The following CNTN4 variants were observed in gnomAD, a reference collection of about 807,000 sequenced individuals.
CNTN4 encodes contactin 4, also known as contactin-4.
A neutral mutation model predicts 122.5 loss-of-function variants in CNTN4; 77 were observed. The ratio of observed to expected loss-of-function variants is 0.63; its 90% CI spans 0.52 to 0.76. The LOEUF (loss-of-function observed/expected upper bound fraction) is 0.76, where lower values mean the gene tolerates loss of function less well. CNTN4 is among the 30% of genes least tolerant of loss of function. The probability of loss-of-function intolerance (pLI) is 0.00; values close to 1 mark genes in which losing one functional copy is unlikely to be tolerated. For synonymous variants in CNTN4, 512 were observed against 447.0 expected (o/e 1.15, Z -1.83); for missense variants, 1,256 against 1,259.1 (o/e 1.00, Z 0.04).
At chr3:2,710,961 C>T (rs916432755) in intron 4 of CNTN4, among the ~76,000 whole-genome samples, 2 of 152,140 alleles carry the variant, frequency 1.3e-5, no homozygotes, top group Admixed American at 6.5e-5. Flanking sequence ...CTTTATCTAG[C>T]AGGGACAATG....
At chr3:2,401,393 C>T (rs533053753) in intron 3 of CNTN4, among the ~76,000 whole-genome samples, 57 of 152,234 alleles carry the variant, frequency 3.7e-4, no homozygotes, top group African/African-American at 1.4e-3. Flanking sequence ...TCCCTGCTGA[C>T]ATTCAGAAAT....
At chr3:2,593,494 G>A (rs969183566) in intron 4 of CNTN4, among the ~76,000 whole-genome samples, 2 of 152,152 alleles carry the variant, frequency 1.3e-5, no homozygotes, top group African/African-American at 4.8e-5. Flanking sequence ...ACTTGGATTT[G>A]TGGCCTCTGA....
rs778606383 is a variant in CNTN4, at chr3:2,352,352, G to A, written c.-89+13119G>A. 4.6e-5 allele frequency among the ~76,000 whole-genome samples: 7 copies of A among 152,192 alleles called. No individual in the cohort carries two copies. The East Asian group carries it at 9.7e-4, about 21-fold the overall frequency. On this transcript the variant is annotated intron_variant, in intron 3 of 24. Transcript: ENST00000418658. Reference sequence around the variant, plus strand: ...GTGGGAGCCCCTCTCTGGGCTGGCCGAGGCCGGAACCGGCTCCCTCTGCTT... The same window carrying A: ...GTGGGAGCCCCTCTCTGGGCTGGCCAAGGCCGGAACCGGCTCCCTCTGCTT...
intron 13 of CNTN4, among the ~76,000 whole-genome samples, chr3:2,977,588 G>A (rs1390373836): frequency 3.9e-5 from 6 of 151,970 alleles, no homozygotes. Flanking sequence ...CTACAGGCTG[G>A]AAGGAGGCTG....
intron 4 of CNTN4, among the ~76,000 whole-genome samples, chr3:2,683,258 A>T (rs548737762): frequency 6.6e-6 from 1 of 152,042 alleles, no homozygotes; most frequent in South Asian, 2.1e-4. Flanking sequence ...AAGGCTGCTG[A>T]CTTGAAAAAA....
intron 7 of CNTN4, among the ~76,000 whole-genome samples, chr3:2,828,996 C>G (rs1227221339): frequency 6.6e-6 from 1 of 152,156 alleles, no homozygotes; most frequent in Non-Finnish European, 1.5e-5. Flanking sequence ...ACCTCAGCCT[C>G]CCAAAGTGCT....
At chr3:2,505,863 A>C (rs1270376644) in intron 3 of CNTN4, among the ~76,000 whole-genome samples, 1 of 152,206 alleles carries the variant, frequency 6.6e-6, no homozygotes. Context: ...TTCTAAAATT[A>C]AGCCTTTCCT....
At chr3:2,678,469 C>T (rs1463158889) in intron 4 of CNTN4, among the ~76,000 whole-genome samples, 2 of 152,110 alleles carry the variant, frequency 1.3e-5, no homozygotes, top group Non-Finnish European at 2.9e-5. Context: ...TTATCTTCCC[C>T]TTTTAGTTAT....
At chr3:2,814,568 A>G (rs1318603804) in intron 6 of CNTN4, among the ~76,000 whole-genome samples, 4 of 152,216 alleles carry the variant, frequency 2.6e-5, no homozygotes, top group African/African-American at 7.2e-5. Context: ...CCATCACACT[A>G]TGTGTTGAAA....
intron 3 of CNTN4, among the ~76,000 whole-genome samples, chr3:2,390,212 A>AAG (rs1332221221): frequency 3.5e-5 from 4 of 115,376 alleles, no homozygotes; most frequent in Non-Finnish European, 1.8e-5. Flanking sequence ...TTTAGGAAAA[A>AAG]AGAGTGTGTG....
intron 4 of CNTN4, among the ~76,000 whole-genome samples, chr3:2,575,409 G>A (rs1317676510): frequency 6.6e-6 from 1 of 152,038 alleles, no homozygotes; most frequent in African/African-American, 2.4e-5. Flanking sequence ...TGCTCGGGAG[G>A]CTGAGGCATG....
chr3:3,045,883 A>G (rs552461719), intron 23 of CNTN4, among the ~76,000 whole-genome samples: 1 of 152,192 alleles, frequency 6.6e-6, no homozygotes, highest in South Asian at 2.1e-4. Context: ...ACCTTGAAAA[A>G]AGGTTAGACA....
chr3:2,189,228 G>A (rs1418151697), intron 2 of CNTN4, among the ~76,000 whole-genome samples: 1 of 152,150 alleles, frequency 6.6e-6, no homozygotes, highest in Non-Finnish European at 1.5e-5. Context: ...GTGTGCCCAG[G>A]CAGGGGTCTG....
intron 4 of CNTN4, among the ~76,000 whole-genome samples, chr3:2,624,528 A>T (rs759500457): frequency 5.9e-5 from 9 of 152,054 alleles, no homozygotes; most frequent in Non-Finnish European, 1.3e-4. Flanking sequence ...TTTTCAGATT[A>T]ATCAGTGCTA....
At chr3:2,567,825 C>T (rs181460497) in intron 3 of CNTN4, among the ~76,000 whole-genome samples, 1 of 152,100 alleles carries the variant, frequency 6.6e-6, no homozygotes, top group Non-Finnish European at 1.5e-5. Context: ...AAAATGGTAG[C>T]CCCTTTGAGG....
chr3:2,741,852 C>T (rs2089473387), intron 5 of CNTN4, among the ~76,000 whole-genome samples: 1 of 152,160 alleles, frequency 6.6e-6, no homozygotes, highest in Non-Finnish European at 1.5e-5. Context: ...AGGAGTTTGC[C>T]TTGTTATTTA....
At chr3:2,665,561 A>G (rs765236582) in intron 4 of CNTN4, among the ~76,000 whole-genome samples, 3 of 152,178 alleles carry the variant, frequency 2.0e-5, no homozygotes, top group Non-Finnish European at 2.9e-5. Context: ...TGAACTGGTC[A>G]TTTTTATTTC....
intron 13 of CNTN4, among the ~76,000 whole-genome samples, chr3:2,981,840 T>A (rs757862227): frequency 3.3e-5 from 5 of 151,926 alleles, no homozygotes; most frequent in Non-Finnish European, 7.4e-5. Flanking sequence ...AGGTCAGAAG[T>A]TTCAGACCAG....
intron 4 of CNTN4, among the ~76,000 whole-genome samples, chr3:2,633,616 T>C (rs963305293): frequency 7.4e-4 from 112 of 152,336 alleles, no homozygotes; most frequent in African/African-American, 2.4e-3. Flanking sequence ...GTCTATTTTA[T>C]TAGTGATGAT....
Sources: allele counts gnomAD v4.1 joint callset (sites outside exome capture counted in the v4.1 genomes callset), GRCh38; gene constraint gnomAD v4.1.1; transcripts MANE v1.5; gene names NCBI Gene and HGNC (gene_info 2026-07-23, HGNC 2026-07-21).